The following DENND1B variants were observed in gnomAD, a reference collection of about 807,000 sequenced individuals.
DENND1B encodes DENN domain-containing protein 1B.
A neutral mutation model predicts 90.1 loss-of-function variants in DENND1B; 59 were observed. The observed-to-expected ratio is 0.65, with a 90% confidence interval of 0.53 to 0.81. The LOEUF (loss-of-function observed/expected upper bound fraction) is 0.81, where lower values mean the gene tolerates loss of function less well. Among genes scored for constraint, DENND1B ranks in the 40% least tolerant of loss-of-function variants. DENND1B has a pLI of 0.00. For synonymous variants in DENND1B, 337 were observed against 324.6 expected (o/e 1.04, Z -0.41); for missense variants, 862 against 912.6 (o/e 0.94, Z 0.71).
chr1:197,514,982 T>C (rs1017577077), intron 20 of DENND1B, among the ~76,000 whole-genome samples: 4 of 151,652 alleles, frequency 2.6e-5, no homozygotes, highest in Non-Finnish European at 4.4e-5. Context: ...ACCATCCTTT[T>C]GAATGAACAA....
chr1:197,595,114 A>G (rs1675565929), intron 14 of DENND1B, 94 bp downstream of exon 14: 1 of 1,378,470 alleles, frequency 7.3e-7, no homozygotes, highest in African/African-American at 1.5e-5. Flanking sequence ...TATTTTTTGA[A>G]GGTGTAATAT....
At chr1:197,722,889 G>A (rs1412714807) in intron 2 of DENND1B, among the ~76,000 whole-genome samples, 2 of 152,088 alleles carry the variant, frequency 1.3e-5, no homozygotes, top group Admixed American at 6.6e-5. Flanking sequence ...ATAAGCAATG[G>A]TGGAAATAAA....
Position 197,731,601 on chromosome 1 carries a change from CA to C in DENND1B, c.83-16528del, listed in dbSNP as rs1209895274. 1.6e-4 allele frequency among the ~76,000 whole-genome samples: 24 copies of C among 152,266 alleles called. No homozygotes were observed. In the East Asian group the frequency reaches 4.4e-3, roughly 28 times the overall value. On this transcript the variant is annotated intron_variant, in intron 2 of 22. Transcript: ENST00000620048. ...GACATGCCATGCATTGTCATTCACTCATTATACACCAGGGGCGTCCAATCTT... is the reference window on the plus strand; with the variant it reads ...GACATGCCATGCATTGTCATTCACTCTTATACACCAGGGGCGTCCAATCTT...
intron 15 of DENND1B, among the ~76,000 whole-genome samples, chr1:197,564,962 C>T (rs1447083820): frequency 1.3e-5 from 2 of 151,946 alleles, no homozygotes; most frequent in Non-Finnish European, 2.9e-5. Context: ...TACATTTCTT[C>T]TGTCATTATG....
intron 18 of DENND1B, among the ~76,000 whole-genome samples, chr1:197,544,576 G>A (rs191747117): frequency 5.3e-5 from 8 of 151,928 alleles, no homozygotes; most frequent in South Asian, 2.1e-4. Flanking sequence ...TTACAGCAGC[G>A]GTGTCCAACC....
At chr1:197,541,263 AC>A (rs1189554529) in intron 18 of DENND1B, among the ~76,000 whole-genome samples, 1 of 152,222 alleles carries the variant, frequency 6.6e-6, no homozygotes, top group South Asian at 2.1e-4. Flanking sequence ...TAACATTTAG[AC>A]TATTTTGTTT....
the DENND1B span, among the ~76,000 whole-genome samples, chr1:197,781,767 T>C: frequency 2.0e-5 from 3 of 152,198 alleles, no homozygotes; most frequent in African/African-American, 4.8e-5. Context: ...TTCCAGTTTG[T>C]GGACAAAAGA....
chr1:197,615,257 T>C (rs1677543248), intron 11 of DENND1B, among the ~76,000 whole-genome samples: 2 of 151,122 alleles, frequency 1.3e-5, no homozygotes, highest in Admixed American at 1.3e-4. Flanking sequence ...TAATAGATGG[T>C]CACTAAGTGT....
intron 15 of DENND1B, among the ~76,000 whole-genome samples, chr1:197,577,705 G>A (rs1673809956): frequency 6.6e-6 from 1 of 152,188 alleles, no homozygotes; most frequent in Non-Finnish European, 1.5e-5. Flanking sequence ...AGACGGTAAT[G>A]TCAGAGTTGT....
At position 197,540,978 on chromosome 1, in the gene DENND1B, T is replaced by C. The variant is rs774576677; in HGVS notation, c.1388A>G (p.Lys463Arg). ...ACATACCTTGTGTTTTAGTTTACTC[T>C]TCACTTCCTTTAGTCCCAGCTTTGC... ...NHAKLGLKEV[K>R]SKLKHKENEE... The change falls in exon 19 of 23, where the codon AAG becomes AGG. Residue 463 changes from lysine to arginine, a missense_variant. Lys to Arg is a conservative substitution (Grantham distance 26). Transcript: ENST00000620048. 2 of 1,612,724 alleles carry C rather than the reference T, an allele frequency of 1.2e-6. No homozygotes were observed. Among genetic ancestry groups the C allele is most frequent in the Non-Finnish European group, 1.7e-6 (2 of 1,179,300 alleles).
intron 13 of DENND1B, among the ~76,000 whole-genome samples, chr1:197,598,970 G>A (rs1675955453): frequency 6.6e-6 from 1 of 151,734 alleles, no homozygotes; most frequent in Admixed American, 6.6e-5. Context: ...TCCTTTCAGT[G>A]AGAATTCAGA....
intron 10 of DENND1B, among the ~76,000 whole-genome samples, chr1:197,621,508 A>G (rs1039910197): frequency 2.6e-5 from 4 of 151,446 alleles, no homozygotes; most frequent in Non-Finnish European, 5.9e-5. Flanking sequence ...AATGAGAACA[A>G]TTTAATAAGC....
chr1:197,597,622 G>A (rs1420261667), intron 13 of DENND1B, among the ~76,000 whole-genome samples: 1 of 151,734 alleles, frequency 6.6e-6, no homozygotes, highest in African/African-American at 2.4e-5. Flanking sequence ...TATTATACCA[G>A]ATCCTTGACT....
upstream of DENND1B, among the ~76,000 whole-genome samples, chr1:197,778,878 A>G (rs1410495361): frequency 6.6e-6 from 1 of 151,978 alleles, no homozygotes; most frequent in African/African-American, 2.4e-5. Context: ...CTATTCATTT[A>G]GGAGTTATCC....
At chr1:197,513,024 A>C in intron 20 of DENND1B, 71 bp from the exon 21 acceptor site, 2 of 1,323,556 alleles carry the variant, frequency 1.5e-6, no homozygotes, top group Non-Finnish European at 2.1e-6. Context: ...ATTTTAAAGC[A>C]ACAATGTGAT....
intron 13 of DENND1B, chr1:197,606,337 G>A (rs948475731): frequency 2.7e-5 from 4 of 150,920 alleles, no homozygotes; most frequent in African/African-American, 9.7e-5. Context: ...AGCCTTTACA[G>A]ACAAAAGACA....
intron 4 of DENND1B, among the ~76,000 whole-genome samples, 163 bp from the exon 5 acceptor site, chr1:197,672,319 T>TGTAAA (rs1298535235): frequency 1.3e-5 from 2 of 152,106 alleles, no homozygotes; most frequent in Non-Finnish European, 2.9e-5. Flanking sequence ...GTGTGAAACT[T>TGTAAA]GTAAAGTAAA....
intron 10 of DENND1B, among the ~76,000 whole-genome samples, chr1:197,632,185 T>C (rs1343973905): frequency 6.6e-6 from 1 of 152,144 alleles, no homozygotes; most frequent in African/African-American, 2.4e-5. Context: ...ACCAGTGTTA[T>C]CTTCTCCAAA....
intron 10 of DENND1B, among the ~76,000 whole-genome samples, chr1:197,621,174 T>C (rs1475890253): frequency 6.6e-6 from 1 of 151,306 alleles, no homozygotes. Flanking sequence ...TGGAGAGCCT[T>C]CTAGGACACG....
Sources: gnomAD v4.1 joint callset for allele counts (sites outside exome capture counted in the v4.1 genomes callset) on GRCh38, gnomAD v4.1.1 for gene constraint, MANE v1.5 for transcripts, NCBI Gene and HGNC (gene_info 2026-07-23, HGNC 2026-07-21) for gene names.